The following ATXN7 variants were observed in gnomAD, a reference collection of about 807,000 sequenced individuals.
ATXN7 encodes ataxin-7.
ATXN7 carries 12 observed loss-of-function variants against 70.5 expected under a neutral mutation model. The observed-to-expected ratio is 0.17, with a 90% confidence interval of 0.11 to 0.28. The LOEUF is 0.28. Ranked by LOEUF, ATXN7 falls within the 10% of genes least tolerant of loss-of-function variation. ATXN7 has a pLI of 1.00. For missense variants in ATXN7, 1,256 were observed against 1,131.7 expected (o/e 1.11, Z -1.58); for synonymous variants, 498 against 448.7 (o/e 1.11, Z -1.39).
At chr3:63,993,569 A>G (rs1316829625) in intron 11 of ATXN7, among the ~76,000 whole-genome samples, 1 of 152,108 alleles carries the variant, frequency 6.6e-6, no homozygotes, top group East Asian at 1.9e-4. Context: ...TTTTTTATGT[A>G]TCTCTACATA....
chr3:63,867,366 T>C (rs568004364), intron 1 of ATXN7, among the ~76,000 whole-genome samples: 2 of 152,238 alleles, frequency 1.3e-5, no homozygotes, highest in East Asian at 1.9e-4. Context: ...TGAAACAGGG[T>C]CTCACTTTGT....
intron 2 of ATXN7, chr3:63,905,176 C>A (rs985977099): frequency 6.6e-6 from 1 of 151,924 alleles, no homozygotes; most frequent in Admixed American, 6.6e-5. Context: ...TTCAATTTAC[C>A]CATTTGGCTC....
In ATXN7 at chr3:63,864,153, C is replaced by T. The variant is rs1312084652; in HGVS notation, c.-116C>T. 6.7e-6 allele frequency among the ~76,000 whole-genome samples: 1 copy of T among 149,964 alleles called. No homozygotes were observed. The highest frequency in any genetic ancestry group is 2.0e-4 in the East Asian group (1 of 5,036). ...GGCCGCCCCGGAGGCCGCAGCCAGC[C>T]GCCAGGTGAGCTCGCCCGGACGCCG... is the stretch of plus-strand genomic sequence containing the variant. On this transcript the variant is annotated 5_prime_UTR_variant, in exon 1 of 13. Transcript: ENST00000674280.
At chr3:63,919,379 A>G (rs1412766698) in intron 4 of ATXN7, among the ~76,000 whole-genome samples, 2 of 152,192 alleles carry the variant, frequency 1.3e-5, no homozygotes, top group African/African-American at 2.4e-5. Context: ...CTTGGTTGAT[A>G]AAAGGAAACC....
chr3:63,913,006 G>A, intron 3 of ATXN7, 83 bp downstream of exon 3: 9 of 1,335,372 alleles, frequency 6.7e-6, no homozygotes, highest in Non-Finnish European at 9.2e-6. Flanking sequence ...CCCCTCCTGT[G>A]ACCCGCCCCC....
rs144219681 is a variant in ATXN7, at chr3:63,954,253, A to G, written c.499+1770A>G. Among the ~76,000 whole-genome samples, 300 of 152,334 alleles carry G rather than the reference A, an allele frequency of 2.0e-3. 1 individual carries two copies. The highest frequency in any genetic ancestry group is 6.9e-3 in the African/African-American group (287 of 41,572). Reference sequence around the variant, plus strand: ...GGGAGGTGTTTTACTGGGGATAGACAGAGCTGCCACATATGGCTGCACAGT... The same window carrying G: ...GGGAGGTGTTTTACTGGGGATAGACGGAGCTGCCACATATGGCTGCACAGT... On this transcript the variant is annotated intron_variant, in intron 5 of 12. Coordinates refer to ENST00000674280, the MANE Select transcript of ATXN7 (RefSeq NM_001377405.1).
In ATXN7 at chr3:63,995,495, T is replaced by C; in HGVS notation, c.1683-10T>C. ...GTCAGTGTCATTCACTGTCCTCTAA[T>C]TTTTTTCAGGAAAATCCCACCAGTG... On this transcript the variant is annotated splice_polypyrimidine_tract_variant and intron_variant, in intron 11 of 12. Coordinates refer to ENST00000674280, the MANE Select transcript of ATXN7 (RefSeq NM_001377405.1). 6.2e-7 allele frequency: 1 copy of C among 1,613,248 alleles called. No individual in the cohort carries two copies. Among genetic ancestry groups the C allele is most frequent in the Non-Finnish European group, 8.5e-7 (1 of 1,179,322 alleles).
At chr3:63,911,811 C>G (rs985440147) in intron 2 of ATXN7, 1 of 152,272 alleles carries the variant, frequency 6.6e-6, no homozygotes, top group African/African-American at 2.4e-5. Context: ...CCCGCTAGCC[C>G]AAGGTTCCCT....
intron 1 of ATXN7, among the ~76,000 whole-genome samples, chr3:63,879,723 C>T (rs1473609889): frequency 6.6e-6 from 1 of 151,990 alleles, no homozygotes; most frequent in Non-Finnish European, 1.5e-5. Context: ...AACTCCGGAC[C>T]TCAGGTGATC....
At chr3:63,881,363 A>G (rs1702903013) in intron 1 of ATXN7, among the ~76,000 whole-genome samples, 1 of 152,206 alleles carries the variant, frequency 6.6e-6, no homozygotes, top group Non-Finnish European at 1.5e-5. Flanking sequence ...TTGAAGAGAT[A>G]AGTGACCTCT....
intron 4 of ATXN7, among the ~76,000 whole-genome samples, chr3:63,951,548 G>A (rs2074953385): frequency 2.6e-5 from 4 of 152,186 alleles, no homozygotes; most frequent in Admixed American, 2.6e-4. Context: ...CACTGATTTT[G>A]AAATACTTAA....
chr3:63,918,703 G>C (rs531535204), intron 4 of ATXN7, among the ~76,000 whole-genome samples: 2 of 152,264 alleles, frequency 1.3e-5, no homozygotes, highest in East Asian at 3.9e-4. Flanking sequence ...TACCATCCCT[G>C]ATCCTCTCTG....
At chr3:63,971,922 T>TTTTTTG (rs545832733) in intron 5 of ATXN7, among the ~76,000 whole-genome samples, 17 of 152,300 alleles carry the variant, frequency 1.1e-4, no homozygotes, top group East Asian at 5.8e-4. Flanking sequence ...GTGCTGAGTT[T>TTTTTTG]TTTTTGTTTT....
chr3:63,894,781 C>A (rs1350833825), intron 1 of ATXN7, among the ~76,000 whole-genome samples: 2 of 152,158 alleles, frequency 1.3e-5, no homozygotes, highest in Non-Finnish European at 2.9e-5. Context: ...GCTTTGGCCT[C>A]CCAAAGTGCT....
chr3:63,934,493 C>T (rs919980071), intron 4 of ATXN7, among the ~76,000 whole-genome samples: 7 of 152,054 alleles, frequency 4.6e-5, no homozygotes, highest in Non-Finnish European at 8.8e-5. Flanking sequence ...AAGAGATGTT[C>T]TTGGTGAGAG....
chr3:63,995,747 A>C lies in ATXN7; in HGVS notation c.1925A>C (p.Gln642Pro). The part of the protein sequence containing the change: ...SGAMDPVCSM[Q>P]SRQVSSSSSS... ...GCGATGGATCCTGTGTGCAGTATGCAATCCAGACAAGTGTCCTCTTCATCC... is the reference window on the plus strand; with the variant it reads ...GCGATGGATCCTGTGTGCAGTATGCCATCCAGACAAGTGTCCTCTTCATCC... The change falls in exon 12 of 13, where the codon CAA becomes CCA. Residue 642 changes from glutamine to proline, a missense_variant. By Grantham distance (76) the Gln-to-Pro change is moderately conservative. Coordinates refer to ENST00000674280, the MANE Select transcript of ATXN7 (RefSeq NM_001377405.1). 6.2e-7 allele frequency: 1 copy of C among 1,614,236 alleles called. No individual in the cohort carries two copies. Among genetic ancestry groups the C allele is most frequent in the Non-Finnish European group, 8.5e-7 (1 of 1,180,040 alleles).
In ATXN7 at chr3:63,919,686, G is replaced by A. The variant is rs1039421454; in HGVS notation, c.394+6461G>A. 2.0e-5 allele frequency among the ~76,000 whole-genome samples: 3 copies of A among 150,902 alleles called. No individual in the cohort carries two copies. In the South Asian group the frequency reaches 6.3e-4, roughly 32 times the overall value. On this transcript the variant is annotated intron_variant, in intron 4 of 12. Transcript: ENST00000674280. Reference sequence around the variant, plus strand: ...ACATATGTATACATGCGCCATGTTGGTGTGCTGCACCCATTAACTCGTCAT... The same window carrying A: ...ACATATGTATACATGCGCCATGTTGATGTGCTGCACCCATTAACTCGTCAT...
chr3:63,912,527 G>A (rs1704070136), intron 2 of ATXN7, 61 bp from the exon 3 acceptor site: 1 of 1,045,914 alleles, frequency 9.6e-7, no homozygotes, highest in East Asian at 1.0e-4. Flanking sequence ...GAACTCCCTG[G>A]CGCCTCCTTA....
At chr3:63,996,600 G>T in intron 12 of ATXN7, 117 bp downstream of exon 12, 2 of 500,696 alleles carry the variant, frequency 4.0e-6, no homozygotes, top group Non-Finnish European at 6.3e-6. Context: ...CAGATATTCA[G>T]CTTCATGGTG....
Sources: allele counts gnomAD v4.1 joint callset (sites outside exome capture counted in the v4.1 genomes callset), GRCh38; gene constraint gnomAD v4.1.1; transcripts MANE v1.5; gene names NCBI Gene and HGNC (gene_info 2026-07-23, HGNC 2026-07-21).